Variants in OTUD7A observed in about 807,000 individuals in gnomAD.
OTUD7A encodes OTU domain-containing protein 7A.
Under a neutral mutation model 65.7 loss-of-function variants are expected in OTUD7A, and 12 were observed. That is an observed-to-expected ratio of 0.18 (90% CI 0.12 to 0.30). The LOEUF is 0.30. OTUD7A is among the 10% of genes least tolerant of loss of function. The pLI, the probability that OTUD7A is intolerant of heterozygous loss-of-function variation, is 1.00. For missense variants in OTUD7A, 1,148 were observed against 1,304.8 expected (o/e 0.88, Z 1.85); for synonymous variants, 641 against 586.3 (o/e 1.09, Z -1.35).
chr15:31,561,649 A>G (rs1888691973), intron 4 of OTUD7A, among the ~76,000 whole-genome samples: 1 of 152,160 alleles, frequency 6.6e-6, no homozygotes, highest in South Asian at 2.1e-4. Flanking sequence ...GAGGGAAAAA[A>G]GTATTTTTGA....
chr15:31,497,393 G>A (rs1417692028), intron 10 of OTUD7A, among the ~76,000 whole-genome samples: 1 of 151,982 alleles, frequency 6.6e-6, no homozygotes, highest in Non-Finnish European at 1.5e-5. Flanking sequence ...GGGATTACAG[G>A]CACATGCTGC....
intron 1 of OTUD7A, among the ~76,000 whole-genome samples, chr15:31,753,298 A>C (rs993274387): frequency 2.0e-5 from 3 of 152,082 alleles, no homozygotes; most frequent in African/African-American, 2.4e-5. Flanking sequence ...GAATTCTACC[A>C]AATATTTATT....
intron 3 of OTUD7A, among the ~76,000 whole-genome samples, chr15:31,593,764 A>G (rs1033883665): frequency 2.0e-5 from 3 of 152,186 alleles, no homozygotes; most frequent in Non-Finnish European, 4.4e-5. Flanking sequence ...TTTAAAAAAC[A>G]TATAAGTTGA....
chr15:31,616,259 A>C (rs1890582202), intron 3 of OTUD7A, among the ~76,000 whole-genome samples: 1 of 152,188 alleles, frequency 6.6e-6, no homozygotes, highest in South Asian at 2.1e-4. Flanking sequence ...AACCGTCTGC[A>C]TCTAAAACTG....
intron 8 of OTUD7A, among the ~76,000 whole-genome samples, chr15:31,514,611 C>G (rs55694860): frequency 4.6e-5 from 7 of 152,182 alleles, no homozygotes; most frequent in Admixed American, 4.6e-4. Flanking sequence ...CGTATTCATT[C>G]TAAAGCATTT....
chr15:31,480,662 G>A lies in OTUD7A; in HGVS notation c.*2632C>T, dbSNP rs1474729157. ...ACGAGGTCTACACGCCTCTTCTCAA[G>A]GAGCATGCTGTCGGTGCACGGGACT... On this transcript the variant is annotated 3_prime_UTR_variant, in exon 13 of 13. Coordinates refer to ENST00000307050, the MANE Select transcript of OTUD7A (RefSeq NM_001382637.1). The A allele has an allele frequency of 6.6e-6, 1 of 152,290 alleles. No homozygotes were observed. Among genetic ancestry groups the A allele is most frequent in the Non-Finnish European group, 1.5e-5 (1 of 68,056 alleles). 9.4% of individuals were successfully genotyped at this position (152,290 alleles called of 1,614,324 possible).
intron 8 of OTUD7A, among the ~76,000 whole-genome samples, chr15:31,517,048 A>G (rs1308417061): frequency 6.6e-6 from 1 of 152,192 alleles, no homozygotes; most frequent in African/African-American, 2.4e-5. Flanking sequence ...AAAACTAGAC[A>G]CAGGCCAGAC....
intron 9 of OTUD7A, 129 bp downstream of exon 9, chr15:31,503,559 CGAG>C: frequency 8.1e-7 from 1 of 1,227,354 alleles, no homozygotes; most frequent in Non-Finnish European, 1.2e-6. Flanking sequence ...AGAAACACGT[CGAG>C]GAGATCTTTG....
At chr15:31,571,025 G>A (rs1463837003) in intron 3 of OTUD7A, among the ~76,000 whole-genome samples, 1 of 152,188 alleles carries the variant, frequency 6.6e-6, no homozygotes, top group Non-Finnish European at 1.5e-5. Flanking sequence ...AACTAGAAAT[G>A]TAGATTTGGA....
intron 3 of OTUD7A, among the ~76,000 whole-genome samples, chr15:31,611,437 A>G (rs1016113578): frequency 6.6e-6 from 1 of 152,220 alleles, no homozygotes; most frequent in Non-Finnish European, 1.5e-5. Context: ...AAAAGAAGAG[A>G]GAAAATCCAA....
At chr15:31,644,339 C>T (rs1891603276) in intron 3 of OTUD7A, among the ~76,000 whole-genome samples, 1 of 152,062 alleles carries the variant, frequency 6.6e-6, no homozygotes, top group Non-Finnish European at 1.5e-5. Flanking sequence ...TCTAACCTCA[C>T]CCTTGGTGTG....
chr15:31,629,229 T>A (rs1326110908), intron 3 of OTUD7A, among the ~76,000 whole-genome samples: 1 of 152,172 alleles, frequency 6.6e-6, no homozygotes, highest in Non-Finnish European at 1.5e-5. Context: ...GGCTGTGGGT[T>A]TGTCATAGAT....
At chr15:31,714,728 T>C (rs928573050) in intron 1 of OTUD7A, among the ~76,000 whole-genome samples, 1 of 152,216 alleles carries the variant, frequency 6.6e-6, no homozygotes, top group Non-Finnish European at 1.5e-5. Context: ...AGCTGGACAT[T>C]TGCTGGTGTG....
intron 1 of OTUD7A, among the ~76,000 whole-genome samples, chr15:31,699,133 G>A (rs1566979147): frequency 6.7e-6 from 1 of 149,170 alleles, no homozygotes; most frequent in Non-Finnish European, 1.5e-5. Context: ...AGGCTGGAGT[G>A]CAGTGGTGCG....
rs79193375 is a variant in OTUD7A, at chr15:31,498,791, T to C, written c.1171+2899A>G. ...ATGTGTGGAAGCTACCAAGAAAGAA[T>C]GCATACATTTTATCTAAAAAGTCCT... On this transcript the variant is annotated intron_variant, in intron 10 of 12. Transcript: ENST00000307050. This position sits in a 1 kb window ranked among gnomAD's most constrained non-coding sequence, Gnocchi z 4.2. Among the ~76,000 whole-genome samples the C allele has an allele frequency of 0.012, 1,785 of 152,304 alleles. 22 individuals are homozygous for C. Among genetic ancestry groups the C allele is most frequent in the Middle Eastern group, 0.027 (8 of 294 alleles).
At chr15:31,512,680 G>A (rs1279477797) in intron 8 of OTUD7A, among the ~76,000 whole-genome samples, 11 of 152,196 alleles carry the variant, frequency 7.2e-5, no homozygotes, top group Admixed American at 7.2e-4. Flanking sequence ...GAGAATAAAG[G>A]AAGGAGGAAG....
chr15:31,802,141 G>GTGTGTGTATATATA lies in OTUD7A; in HGVS notation c.-100+68365_-100+68366insTATATATACACACA, dbSNP rs553698632. 9.8e-5 allele frequency among the ~76,000 whole-genome samples: 14 copies of GTGTGTGTATATATA among 142,580 alleles called. No homozygotes were observed. In the South Asian group the frequency reaches 3.3e-3, roughly 33 times the overall value. The allele number at this position is 142,580 out of a possible 152,430, so 93.5% of individuals were successfully genotyped here. On this transcript the variant is annotated intron_variant, in intron 1 of 12. Coordinates refer to ENST00000307050, the MANE Select transcript of OTUD7A (RefSeq NM_001382637.1). ...TGTGTGTGTGTGTGTGTGTGTGTGT[G>GTGTGTGTATATATA]TATATATATATATGTAAAGGGGAGT...
intron 1 of OTUD7A, among the ~76,000 whole-genome samples, chr15:31,665,744 G>C (rs1444672972): frequency 1.3e-5 from 2 of 152,168 alleles, no homozygotes; most frequent in African/African-American, 4.8e-5. Flanking sequence ...CCAGTTCTCA[G>C]AGGGAAGCTT....
intron 8 of OTUD7A, among the ~76,000 whole-genome samples, chr15:31,507,265 A>C (rs957368478): frequency 5.3e-5 from 8 of 152,190 alleles, no homozygotes; most frequent in African/African-American, 1.7e-4. Context: ...GAGTTAGTTA[A>C]GGTGGAGGTG....
Sources: gnomAD v4.1 joint callset for allele counts (sites outside exome capture counted in the v4.1 genomes callset) on GRCh38, gnomAD v4.1.1 for gene constraint, Gnocchi (gnomAD v3.1) non-coding constraint, MANE v1.5 for transcripts, NCBI Gene and HGNC (gene_info 2026-07-23, HGNC 2026-07-21) for gene names.